The following CDON variants were observed in gnomAD, a reference collection of about 807,000 sequenced individuals.
CDON encodes the protein cell adhesion molecule-related/down-regulated by oncogenes.
In CDON, 73 loss-of-function variants were observed where a neutral mutation model predicts 120.9. That is an observed-to-expected ratio of 0.60 (90% CI 0.50 to 0.73). The LOEUF is 0.73. Among genes scored for constraint, CDON ranks in the 30% least tolerant of loss-of-function variants. The pLI is 0.00. For missense variants in CDON, 1,470 were observed against 1,587.3 expected (o/e 0.93, Z 1.26); for synonymous variants, 566 against 573.5 (o/e 0.99, Z 0.19).
intron 18 of CDON, among the ~76,000 whole-genome samples, chr11:125,962,499 A>G (rs1457610931): frequency 3.3e-5 from 5 of 152,258 alleles, no homozygotes; most frequent in African/African-American, 1.2e-4. Context: ...AGGAAACGCT[A>G]TAAGGATTAG....
chr11:126,015,893 G>A (rs1207240999), intron 6 of CDON, among the ~76,000 whole-genome samples: 1 of 152,188 alleles, frequency 6.6e-6, no homozygotes, highest in Non-Finnish European at 1.5e-5. Flanking sequence ...CAAAACAGAA[G>A]AACGTTTTAC....
chr11:126,018,818 C>G (rs1400960417), intron 4 of CDON, among the ~76,000 whole-genome samples: 2 of 152,210 alleles, frequency 1.3e-5, no homozygotes, highest in Non-Finnish European at 2.9e-5. Flanking sequence ...GATCTTCCTG[C>G]CTCAACTTCC....
At chr11:125,978,818 G>A (rs551189348) in intron 17 of CDON, among the ~76,000 whole-genome samples, 2 of 152,250 alleles carry the variant, frequency 1.3e-5, no homozygotes, top group East Asian at 3.9e-4. Context: ...TGTAGATGAT[G>A]TCACATGATA....
intron 1 of CDON, among the ~76,000 whole-genome samples, chr11:126,027,038 C>G (rs528786672): frequency 2.0e-5 from 3 of 152,308 alleles, no homozygotes; most frequent in South Asian, 4.1e-4. Flanking sequence ...TATTATCACA[C>G]AGGAATCTTC....
intron 1 of CDON, among the ~76,000 whole-genome samples, chr11:126,024,979 C>T (rs564670647): frequency 1.3e-5 from 2 of 152,134 alleles, no homozygotes; most frequent in East Asian, 1.9e-4. Flanking sequence ...CTGAGGAAGG[C>T]GGATCACTTG....
In CDON at chr11:125,958,178, C is replaced by T. The variant is rs1171539842; in HGVS notation, c.*2764G>A. 1.3e-5 allele frequency: 2 copies of T among 152,174 alleles called. No homozygotes were observed. Among genetic ancestry groups the T allele is most frequent in the African/African-American group, 2.4e-5 (1 of 41,446 alleles). The allele number at this position is 152,174 out of a possible 1,614,324, so 9.4% of individuals were successfully genotyped here. A position where few individuals can be genotyped will look rare whatever the true frequency, so the allele number is the denominator to read the frequency against. Reference sequence around the variant, plus strand: ...ATAGATCACAGCATACGGAACGGGACTGGTTCCATCCAAAGAGTGAACCAC... The same window carrying T: ...ATAGATCACAGCATACGGAACGGGATTGGTTCCATCCAAAGAGTGAACCAC... On this transcript the variant is annotated 3_prime_UTR_variant, in exon 20 of 20. Transcript: ENST00000531738.
intron 1 of CDON, among the ~76,000 whole-genome samples, chr11:126,048,785 C>G (rs1016169097): frequency 6.6e-5 from 10 of 152,158 alleles, no homozygotes; most frequent in African/African-American, 2.2e-4. Context: ...CTCACTGCCA[C>G]CTATGCCTCC....
At chr11:126,033,326 G>A (rs1469654803) in intron 1 of CDON, among the ~76,000 whole-genome samples, 1 of 152,008 alleles carries the variant, frequency 6.6e-6, no homozygotes, top group African/African-American at 2.4e-5. Context: ...AGGAAGGTTG[G>A]GCAGGCAAGC....
chr11:126,015,576 T>G, intron 6 of CDON, 66 bp from the exon 7 acceptor site: 7 of 1,489,008 alleles, frequency 4.7e-6, no homozygotes, highest in Non-Finnish European at 6.5e-6. Flanking sequence ...ATCACTCGAG[T>G]GATAAAAATC....
intron 15 of CDON, among the ~76,000 whole-genome samples, chr11:125,985,364 A>T (rs1238258942): frequency 6.6e-6 from 1 of 152,164 alleles, no homozygotes; most frequent in African/African-American, 2.4e-5. Flanking sequence ...TTTAGTACAG[A>T]CAGGGTCTCA....
chr11:125,960,512 T>G lies in CDON; in HGVS notation c.*430A>C. On this transcript the variant is annotated 3_prime_UTR_variant, in exon 20 of 20. Transcript: ENST00000531738. ...CTCAAAAAACAAACAAAAAAAAGTCTGAGAATACACTATTGAAAGACCATT... is the reference window on the plus strand; with the variant it reads ...CTCAAAAAACAAACAAAAAAAAGTCGGAGAATACACTATTGAAAGACCATT... 5.4e-6 allele frequency: 1 copy of G among 183,522 alleles called. No homozygotes were observed. Among genetic ancestry groups the G allele is most frequent in the South Asian group, 1.2e-4 (1 of 8,646 alleles). The allele number at this position is 183,522 out of a possible 1,614,324, so 11.4% of individuals were successfully genotyped here. A position where few individuals can be genotyped will look rare whatever the true frequency, so the allele number is the denominator to read the frequency against.
In CDON at chr11:126,017,210, C is replaced by T; in HGVS notation, c.806G>A (p.Arg269Lys). Reference sequence around the variant, plus strand: ...AGTGGCAAGATGAGAATACAACCTTCTCCAGTTGCTTCCTGGTGCAATGTC... The same window carrying T: ...AGTGGCAAGATGAGAATACAACCTTTTCCAGTTGCTTCCTGGTGCAATGTC... ...GQDIAPGSNW[R>K]RLYSHLATDS... Residue 269 changes from arginine to lysine, a missense_variant, in exon 6 of 20, where the codon AGA becomes AAA. By Grantham distance (26) the Arg-to-Lys change is conservative. Transcript: ENST00000531738. 6.2e-7 allele frequency: 1 copy of T among 1,614,192 alleles called. No individual in the cohort carries two copies. The highest frequency in any genetic ancestry group is 8.5e-7 in the Non-Finnish European group (1 of 1,180,036).
At chr11:126,027,033 T>C (rs559977832) in intron 1 of CDON, among the ~76,000 whole-genome samples, 1 of 152,334 alleles carries the variant, frequency 6.6e-6, no homozygotes, top group South Asian at 2.1e-4. Context: ...CTAAATATTA[T>C]CACACAGGAA....
intron 1 of CDON, among the ~76,000 whole-genome samples, chr11:126,028,104 T>C (rs545187307): frequency 2.6e-5 from 4 of 152,186 alleles, no homozygotes; most frequent in South Asian, 4.1e-4. Context: ...TATATGTCGG[T>C]TTTACAAGAA....
At chr11:126,060,453 T>C (rs186219739) in intron 1 of CDON, among the ~76,000 whole-genome samples, 1 of 152,338 alleles carries the variant, frequency 6.6e-6, no homozygotes, top group East Asian at 1.9e-4. Context: ...ATTTATTTTC[T>C]AACGCTTCCC....
chr11:126,001,066 T>G (rs1294555999), intron 11 of CDON, among the ~76,000 whole-genome samples: 1 of 152,154 alleles, frequency 6.6e-6, no homozygotes, highest in Non-Finnish European at 1.5e-5. Context: ...AATCCTTCAG[T>G]AAAATAACTT....
rs1946739175 is a variant in CDON at position 125,994,955 on chromosome 11, A to G, written c.2460T>C (p.Asn820=). The change falls in exon 13 of 20, where the codon AAT becomes AAC. Residue 820 remains asparagine (N), a synonymous_variant. Coordinates refer to ENST00000531738, the MANE Select transcript of CDON (RefSeq NM_001378964.1). ...SRPYQVVGFP[N]RFSSRPITGP... is the part of the protein sequence containing the mutation. ...CAGTTATTGGACGGCTGGAAAAGCG[A>G]TTGGGGAACCCAACCACTTGATAAG... The G allele has an allele frequency of 6.2e-7, 1 of 1,613,876 alleles. No homozygotes were observed. Among genetic ancestry groups the G allele is most frequent in the African/African-American group, 1.3e-5 (1 of 74,930 alleles).
intron 14 of CDON, among the ~76,000 whole-genome samples, chr11:125,990,771 G>T (rs181410076): frequency 6.6e-6 from 1 of 152,200 alleles, no homozygotes; most frequent in Non-Finnish European, 1.5e-5. Context: ...CAATCTGAAA[G>T]TACAAGCCTC....
intron 1 of CDON, among the ~76,000 whole-genome samples, chr11:126,049,839 T>G (rs1948511447): frequency 1.3e-5 from 2 of 152,198 alleles, no homozygotes; most frequent in Non-Finnish European, 2.9e-5. Context: ...AGAAAGAGCA[T>G]CCCAATTCAG....
Sources: allele counts gnomAD v4.1 joint callset (sites outside exome capture counted in the v4.1 genomes callset), GRCh38; gene constraint gnomAD v4.1.1; transcripts MANE v1.5; gene names NCBI Gene and HGNC (gene_info 2026-07-23, HGNC 2026-07-21).